The following ULK4 variants were observed in gnomAD, a reference collection of about 807,000 sequenced individuals.
ULK4 encodes the protein unc-51 like kinase 4.
ULK4 carries 133 observed loss-of-function variants against 160.6 expected under a neutral mutation model. The ratio of observed to expected loss-of-function variants is 0.83; its 90% CI spans 0.72 to 0.96. ULK4 has a LOEUF of 0.96. ULK4 is among the 40% of genes least tolerant of loss of function. The pLI is 0.00. For synonymous variants in ULK4, 534 were observed against 539.8 expected (o/e 0.99, Z 0.15); for missense variants, 1,580 against 1,499.5 (o/e 1.05, Z -0.89).
At chr3:41,617,239 C>A (rs866436418) in intron 30 of ULK4, among the ~76,000 whole-genome samples, 1 of 152,182 alleles carries the variant, frequency 6.6e-6, no homozygotes, top group East Asian at 1.9e-4. Context: ...CTTGACAAGA[C>A]GGATTCTCCC....
intron 34 of ULK4, among the ~76,000 whole-genome samples, chr3:41,406,678 T>C (rs992626000): frequency 6.6e-6 from 1 of 152,222 alleles, no homozygotes; most frequent in African/African-American, 2.4e-5. Context: ...TTCTGCTCAT[T>C]CTCTTTTTTC....
At chr3:41,478,667 A>G (rs762512319) in intron 32 of ULK4, among the ~76,000 whole-genome samples, 11 of 152,224 alleles carry the variant, frequency 7.2e-5, no homozygotes, top group Non-Finnish European at 1.5e-4. Context: ...CTCAATTATA[A>G]AATCCCTGAA....
chr3:41,370,426 T>C lies in ULK4; in HGVS notation c.3678+27653A>G, dbSNP rs117615881. Among the ~76,000 whole-genome samples, 1,521 of 152,178 alleles carry C rather than the reference T, an allele frequency of 1.0e-2. 13 individuals carry two copies. The highest frequency in any genetic ancestry group is 0.027 in the African/African-American group (1,115 of 41,516). On this transcript the variant is annotated intron_variant, in intron 35 of 36. Transcript: ENST00000301831. ...CAAGACCAACCCAGAAGGTGGGTGA[T>C]TTCTACATTTCCAACTGAGGTACTC...
intron 32 of ULK4, among the ~76,000 whole-genome samples, chr3:41,464,215 G>A (rs898906499): frequency 1.3e-5 from 2 of 152,076 alleles, no homozygotes; most frequent in African/African-American, 4.8e-5. Flanking sequence ...AGTGCACCTT[G>A]TCACTTCCAG....
intron 32 of ULK4, among the ~76,000 whole-genome samples, chr3:41,562,026 C>T (rs761435308): frequency 1.3e-5 from 2 of 152,200 alleles, no homozygotes; most frequent in Non-Finnish European, 2.9e-5. Context: ...CTAAACACTG[C>T]TTTTAATGTG....
rs773914822 is a variant in ULK4, at chr3:41,830,979, T to C, written c.1764+4885A>G. Reference sequence around the variant, plus strand: ...GCCTTTCACAAAACTTGGCACATAATGTACATCGCACAGGGAATGTTTTTA... The same window carrying C: ...GCCTTTCACAAAACTTGGCACATAACGTACATCGCACAGGGAATGTTTTTA... On this transcript the variant is annotated intron_variant, in intron 18 of 36. Coordinates refer to ENST00000301831, the MANE Select transcript of ULK4 (RefSeq NM_017886.4). 3.3e-5 allele frequency among the ~76,000 whole-genome samples: 5 copies of C among 152,030 alleles called. No homozygotes were observed. In the East Asian group the frequency reaches 9.7e-4, roughly 29 times the overall value.
chr3:41,506,246 C>T (rs1035911673), intron 32 of ULK4, among the ~76,000 whole-genome samples: 1 of 152,220 alleles, frequency 6.6e-6, no homozygotes, highest in East Asian at 1.9e-4. Context: ...GATGAGAAAA[C>T]CCCAAGGCCC....
At chr3:41,522,237 T>C (rs1218740372) in intron 32 of ULK4, among the ~76,000 whole-genome samples, 2 of 151,740 alleles carry the variant, frequency 1.3e-5, no homozygotes, top group East Asian at 3.9e-4. Context: ...AGTAATTCTC[T>C]TGCCTCAGCC....
chr3:41,516,050 T>C (rs1408449629), intron 32 of ULK4, among the ~76,000 whole-genome samples: 2 of 150,976 alleles, frequency 1.3e-5, no homozygotes, highest in African/African-American at 2.4e-5. Context: ...ATGCACTGTA[T>C]TGCATGCATG....
chr3:41,475,278 C>A lies in ULK4; in HGVS notation c.3227-12025G>T, dbSNP rs143071509. ...CCACATGTTCTCATATACATAACATCTAAAACAATAAAATACAAAGAAGCA... is the reference window on the plus strand; with the variant it reads ...CCACATGTTCTCATATACATAACATATAAAACAATAAAATACAAAGAAGCA... On this transcript the variant is annotated intron_variant, in intron 32 of 36. Transcript: ENST00000301831. Among the ~76,000 whole-genome samples the A allele has an allele frequency of 4.6e-3, 707 of 152,170 alleles. 4 individuals are homozygous for A. Among genetic ancestry groups the A allele is most frequent in the African/African-American group, 0.016 (683 of 41,540 alleles).
chr3:41,833,587 C>T (rs919230998), intron 18 of ULK4, among the ~76,000 whole-genome samples: 4 of 152,086 alleles, frequency 2.6e-5, no homozygotes, highest in Non-Finnish European at 4.4e-5. Context: ...TGAGCCACTG[C>T]GCCCAGCCAA....
At chr3:41,689,846 C>T (rs1197053641) in intron 27 of ULK4, among the ~76,000 whole-genome samples, 1 of 150,468 alleles carries the variant, frequency 6.6e-6, no homozygotes, top group East Asian at 1.9e-4. Flanking sequence ...GTTGGTGGGA[C>T]TGTAAACTAG....
chr3:41,499,220 CAA>C (rs1406741261), intron 32 of ULK4, among the ~76,000 whole-genome samples: 3 of 152,088 alleles, frequency 2.0e-5, no homozygotes, highest in Non-Finnish European at 4.4e-5. Context: ...CATTGGCTTT[CAA>C]AAGTTTTTTA....
Position 41,705,155 on chromosome 3 carries a change from G to A in ULK4, c.2687-4C>T, listed in dbSNP as rs758580453. 1 of 1,612,154 alleles carries A rather than the reference G, an allele frequency of 6.2e-7. No homozygotes were observed. The highest frequency in any genetic ancestry group is 1.7e-5 in the Admixed American group (1 of 59,924). On this transcript the variant is annotated splice_region_variant and splice_polypyrimidine_tract_variant and intron_variant, in intron 26 of 36. Transcript: ENST00000301831. Reference sequence around the variant, plus strand: ...AATTCTTCTGATGCTGTCAGTCCTAGAAATACAGTTAATTATTATAGGTGT... The same window carrying A: ...AATTCTTCTGATGCTGTCAGTCCTAAAAATACAGTTAATTATTATAGGTGT...
chr3:41,366,614 CAT>C (rs1439482041), intron 35 of ULK4, among the ~76,000 whole-genome samples: 4 of 151,954 alleles, frequency 2.6e-5, no homozygotes, highest in Admixed American at 6.6e-5. Flanking sequence ...CACACACACA[CAT>C]ACACTTATTG....
chr3:41,707,651 G>A (rs1475870568), intron 25 of ULK4, among the ~76,000 whole-genome samples: 1 of 151,938 alleles, frequency 6.6e-6, no homozygotes, highest in Non-Finnish European at 1.5e-5. Context: ...GGGCAACATA[G>A]CAAGACTGTC....
At chr3:41,531,669 G>A (rs2086324948) in intron 32 of ULK4, among the ~76,000 whole-genome samples, 2 of 152,108 alleles carry the variant, frequency 1.3e-5, no homozygotes, top group African/African-American at 2.4e-5. Context: ...ACTGTAAGGT[G>A]TTTTATTCCT....
At chr3:41,304,065 G>A (rs1228921643) in intron 35 of ULK4, among the ~76,000 whole-genome samples, 1 of 152,056 alleles carries the variant, frequency 6.6e-6, no homozygotes, top group African/African-American at 2.4e-5. Context: ...GAGGTCAGGA[G>A]TTCAAGACCA....
intron 5 of ULK4, among the ~76,000 whole-genome samples, chr3:41,922,858 G>A (rs1331003594): frequency 6.6e-6 from 1 of 152,258 alleles, no homozygotes; most frequent in South Asian, 2.1e-4. Context: ...CTTAAGAAAG[G>A]TTCTTCAGGA....
Sources: gnomAD v4.1 joint callset for allele counts (sites outside exome capture counted in the v4.1 genomes callset) on GRCh38, gnomAD v4.1.1 for gene constraint, MANE v1.5 for transcripts, NCBI Gene and HGNC (gene_info 2026-07-23, HGNC 2026-07-21) for gene names.